ZFPM2: variants seen among roughly 807,000 people sequenced by gnomAD.
ZFPM2 encodes zinc finger protein ZFPM2.
A neutral mutation model predicts 98.6 loss-of-function variants in ZFPM2; 20 were observed. The ratio of observed to expected loss-of-function variants is 0.20; its 90% CI spans 0.14 to 0.29. ZFPM2 has a LOEUF of 0.29. Ranked by LOEUF, ZFPM2 falls within the 10% of genes least tolerant of loss-of-function variation. The probability of loss-of-function intolerance (pLI) is 1.00; values close to 1 mark genes in which losing one functional copy is unlikely to be tolerated. For missense variants in ZFPM2, 1,310 were observed against 1,388.6 expected (o/e 0.94, Z 0.90); for synonymous variants, 518 against 502.7 (o/e 1.03, Z -0.41).
chr8:105,632,839 A>G (rs1333192116), intron 4 of ZFPM2, among the ~76,000 whole-genome samples: 1 of 152,182 alleles, frequency 6.6e-6, no homozygotes, highest in African/African-American at 2.4e-5. Context: ...AGATTAATGT[A>G]TTAGAATTTG....
intron 4 of ZFPM2, among the ~76,000 whole-genome samples, chr8:105,622,080 T>C (rs1277760233): frequency 6.6e-6 from 1 of 151,990 alleles, no homozygotes; most frequent in African/African-American, 2.4e-5. Flanking sequence ...AATTATTTTA[T>C]ATATAAGGTT....
intron 3 of ZFPM2, among the ~76,000 whole-genome samples, chr8:105,505,738 C>G (rs1813686131): frequency 6.6e-6 from 1 of 152,022 alleles, no homozygotes; most frequent in Non-Finnish European, 1.5e-5. Flanking sequence ...TGATTAATCA[C>G]TGGTAATCAA....
intron 1 of ZFPM2, among the ~76,000 whole-genome samples, chr8:105,404,041 A>AGC (rs1356681033): frequency 1.4e-5 from 2 of 147,832 alleles, no homozygotes; most frequent in Admixed American, 1.3e-4. Context: ...CAACAACAAC[A>AGC]ACAGCAGCAT....
At chr8:105,744,056 A>G (rs1812285797) in intron 5 of ZFPM2, among the ~76,000 whole-genome samples, 1 of 152,128 alleles carries the variant, frequency 6.6e-6, no homozygotes, top group Middle Eastern at 3.2e-3. Context: ...TAAAAACATT[A>G]AAAACATCAT....
intron 3 of ZFPM2, among the ~76,000 whole-genome samples, chr8:105,460,955 G>A (rs1269349073): frequency 6.6e-6 from 1 of 151,766 alleles, no homozygotes; most frequent in African/African-American, 2.4e-5. Context: ...TGACATATTG[G>A]TGTGGATAAT....
At chr8:105,572,362 T>G (rs1267316805) in intron 4 of ZFPM2, among the ~76,000 whole-genome samples, 1 of 152,104 alleles carries the variant, frequency 6.6e-6, no homozygotes. Flanking sequence ...AATAAGAGAA[T>G]AATAAAGTAA....
At chr8:105,662,464 T>G (rs1358285308) in intron 5 of ZFPM2, 1 of 151,940 alleles carries the variant, frequency 6.6e-6, no homozygotes, top group African/African-American at 2.4e-5. Flanking sequence ...AAAGACAAAA[T>G]AATACCGTAT....
At chr8:105,617,100 C>T (rs1467608663) in intron 4 of ZFPM2, among the ~76,000 whole-genome samples, 1 of 121,138 alleles carries the variant, frequency 8.3e-6, no homozygotes, top group Non-Finnish European at 1.6e-5. Context: ...TGGATTTAAA[C>T]TCAAGCAATG....
At chr8:105,432,070 G>A (rs1010663828) in intron 2 of ZFPM2, among the ~76,000 whole-genome samples, 2 of 152,096 alleles carry the variant, frequency 1.3e-5, no homozygotes, top group African/African-American at 2.4e-5. Flanking sequence ...CAATAGAGAC[G>A]GGTGTGAGTT....
At chr8:105,405,694 G>C (rs1811437296) in intron 1 of ZFPM2, among the ~76,000 whole-genome samples, 1 of 151,914 alleles carries the variant, frequency 6.6e-6, no homozygotes, top group Admixed American at 6.6e-5. Flanking sequence ...GGACATTTGG[G>C]TTGGTTCCAA....
chr8:105,381,995 A>G (rs1360359721), intron 1 of ZFPM2, among the ~76,000 whole-genome samples: 2 of 152,166 alleles, frequency 1.3e-5, no homozygotes, highest in East Asian at 3.8e-4. Context: ...AAGGACTAAT[A>G]AACCACCACT....
intron 4 of ZFPM2, among the ~76,000 whole-genome samples, chr8:105,621,395 G>C (rs905336842): frequency 6.6e-6 from 1 of 152,170 alleles, no homozygotes; most frequent in Non-Finnish European, 1.5e-5. Context: ...AGACTTTGCT[G>C]AAGTTGCCTA....
chr8:105,447,668 C>G (rs1812402602), intron 3 of ZFPM2, among the ~76,000 whole-genome samples: 1 of 152,010 alleles, frequency 6.6e-6, no homozygotes, highest in Non-Finnish European at 1.5e-5. Context: ...ATGATTTTCT[C>G]TAAAAATAGA....
intron 3 of ZFPM2, among the ~76,000 whole-genome samples, chr8:105,541,684 A>C (rs192650182): frequency 6.6e-6 from 1 of 152,346 alleles, no homozygotes; most frequent in Admixed American, 6.5e-5. Flanking sequence ...GAGCAGTAAT[A>C]TCTGTGTTGC....
chr8:105,653,328 A>T (rs1160469224), intron 5 of ZFPM2, among the ~76,000 whole-genome samples: 1 of 152,206 alleles, frequency 6.6e-6, no homozygotes, highest in Non-Finnish European at 1.5e-5. Context: ...TAAGTCATTG[A>T]AATGGTAGTT....
chr8:105,790,724 G>A (rs1437721047), intron 6 of ZFPM2, among the ~76,000 whole-genome samples: 7 of 152,204 alleles, frequency 4.6e-5, no homozygotes, highest in Admixed American at 3.9e-4. Flanking sequence ...TCCTACCCAT[G>A]AGCATGGAGT....
At chr8:105,629,946 A>G (rs971017244) in intron 4 of ZFPM2, among the ~76,000 whole-genome samples, 1 of 152,196 alleles carries the variant, frequency 6.6e-6, no homozygotes, top group African/African-American at 2.4e-5. Context: ...TCACCATCTC[A>G]TGGTACAAAA....
At chr8:105,585,395 A>G (rs1815690245) in intron 4 of ZFPM2, among the ~76,000 whole-genome samples, 1 of 152,186 alleles carries the variant, frequency 6.6e-6, no homozygotes, top group Non-Finnish European at 1.5e-5. Flanking sequence ...AGATCCCTGA[A>G]TCACTTCAAC....
At chr8:105,690,278 G>A (rs1481688624) in intron 5 of ZFPM2, among the ~76,000 whole-genome samples, 3 of 152,194 alleles carry the variant, frequency 2.0e-5, no homozygotes, top group Non-Finnish European at 4.4e-5. Context: ...TTTGATTGAT[G>A]CTGATGCTCC....
Sources: gnomAD v4.1 joint callset for allele counts (sites outside exome capture counted in the v4.1 genomes callset) on GRCh38, gnomAD v4.1.1 for gene constraint, MANE v1.5 for transcripts, NCBI Gene and HGNC (gene_info 2026-07-23, HGNC 2026-07-21) for gene names.